GALNT13: variants seen among roughly 807,000 people sequenced by gnomAD.
The protein encoded by GALNT13 is polypeptide N-acetylgalactosaminyltransferase 13.
GALNT13 carries 28 observed loss-of-function variants against 64.2 expected under a neutral mutation model. The ratio of observed to expected loss-of-function variants is 0.44; its 90% CI spans 0.32 to 0.60. GALNT13 has a LOEUF of 0.60. Among genes scored for constraint, GALNT13 ranks in the 20% least tolerant of loss-of-function variants. GALNT13 has a pLI of 0.05. For missense variants in GALNT13, 577 were observed against 669.8 expected (o/e 0.86, Z 1.53); for synonymous variants, 214 against 224.6 (o/e 0.95, Z 0.42).
At chr2:153,071,840 G>A in the GALNT13 span, among the ~76,000 whole-genome samples, 3 of 152,008 alleles carry the variant, frequency 2.0e-5, no homozygotes, top group East Asian at 3.9e-4. Flanking sequence ...TATTTTTTAT[G>A]GGTTTTAAAA....
chr2:154,320,819 T>C (rs545474637), intron 9 of GALNT13, among the ~76,000 whole-genome samples: 1 of 152,204 alleles, frequency 6.6e-6, no homozygotes, highest in Non-Finnish European at 1.5e-5. Flanking sequence ...TCTTTCTCTG[T>C]ATAAACCTAA....
chr2:154,437,539 C>T (rs1701041102), intron 11 of GALNT13: 18 of 1,283,234 alleles, frequency 1.4e-5, no homozygotes, highest in Non-Finnish European at 1.6e-5. Context: ...AAGAAGAAAA[C>T]ACATTCTATA....
At chr2:154,170,466 T>C (rs1420135370) in intron 4 of GALNT13, among the ~76,000 whole-genome samples, 3 of 152,120 alleles carry the variant, frequency 2.0e-5, no homozygotes, top group Admixed American at 2.0e-4. Flanking sequence ...ACCATATATA[T>C]GATTGACTCA....
chr2:154,282,581 G>A (rs1203595762), intron 8 of GALNT13, among the ~76,000 whole-genome samples: 1 of 152,022 alleles, frequency 6.6e-6, no homozygotes, highest in East Asian at 1.9e-4. Flanking sequence ...GTTTTCTAAG[G>A]ACTCTCCAGA....
intron 8 of GALNT13, among the ~76,000 whole-genome samples, chr2:154,275,726 G>A (rs1691610678): frequency 6.6e-6 from 1 of 152,202 alleles, no homozygotes; most frequent in African/African-American, 2.4e-5. Flanking sequence ...GGATCTGTGA[G>A]AAGAGGGCCA....
At chr2:154,112,462 A>C (rs1033924811) in intron 3 of GALNT13, among the ~76,000 whole-genome samples, 1 of 152,138 alleles carries the variant, frequency 6.6e-6, no homozygotes, top group Non-Finnish European at 1.5e-5. Flanking sequence ...ATAGCATACA[A>C]ATATCTTAAC....
intron 10 of GALNT13, among the ~76,000 whole-genome samples, chr2:154,399,984 C>G (rs1360869265): frequency 6.6e-6 from 1 of 152,142 alleles, no homozygotes; most frequent in East Asian, 1.9e-4. Context: ...TAGTTTTCCA[C>G]TTTAAAACTA....
intron 3 of GALNT13, among the ~76,000 whole-genome samples, chr2:154,027,861 C>T (rs1698078776): frequency 1.3e-5 from 2 of 152,020 alleles, no homozygotes; most frequent in South Asian, 2.1e-4. Context: ...TGTAAAAAGA[C>T]AACAAATTAA....
chr2:154,425,509 T>A (rs1226396340), intron 11 of GALNT13, among the ~76,000 whole-genome samples: 3 of 152,192 alleles, frequency 2.0e-5, no homozygotes, highest in Admixed American at 2.0e-4. Context: ...TGTTGCCCAT[T>A]GCTAAAGAAG....
the GALNT13 span, among the ~76,000 whole-genome samples, chr2:153,126,143 A>T: frequency 1.3e-5 from 2 of 151,706 alleles, no homozygotes; most frequent in Non-Finnish European, 2.9e-5. Context: ...ATCTTTAATA[A>T]TTTTGTTCTC....
chr2:154,087,074 A>G (rs1455362114), intron 3 of GALNT13, among the ~76,000 whole-genome samples: 3 of 152,112 alleles, frequency 2.0e-5, no homozygotes, highest in Admixed American at 1.3e-4. Context: ...TGAATTGTTC[A>G]TATGTGCAGA....
At chr2:153,344,056 C>CT in the GALNT13 span, among the ~76,000 whole-genome samples, 2 of 151,528 alleles carry the variant, frequency 1.3e-5, no homozygotes, top group Admixed American at 6.6e-5. Flanking sequence ...ACTATAATTT[C>CT]TTTTTTTTTC....
the GALNT13 span, among the ~76,000 whole-genome samples, chr2:153,784,111 T>C: frequency 0.43 from 65,660 of 151,970 alleles, 15,540 homozygotes; most frequent in African/African-American, 0.62. Flanking sequence ...GGGAAAGTTT[T>C]GAACTTCTTA....
At chr2:153,188,915 C>T in the GALNT13 span, among the ~76,000 whole-genome samples, 419 of 152,198 alleles carry the variant, frequency 2.8e-3, 2 homozygotes, top group African/African-American at 9.8e-3. Context: ...ATGATCAAGT[C>T]AGGGTATTTA....
intron 3 of GALNT13, among the ~76,000 whole-genome samples, chr2:154,024,325 A>G (rs571365921): frequency 7.2e-5 from 11 of 152,300 alleles, no homozygotes; most frequent in African/African-American, 2.6e-4. Flanking sequence ...CGTCACTTTC[A>G]GGTACACCAA....
At chr2:153,365,399 A>T in the GALNT13 span, among the ~76,000 whole-genome samples, 1 of 152,238 alleles carries the variant, frequency 6.6e-6, no homozygotes, top group African/African-American at 2.4e-5. Context: ...ATGGGATCTA[A>T]TCAAACTAAA....
the GALNT13 span, among the ~76,000 whole-genome samples, chr2:153,682,295 G>T: frequency 6.6e-6 from 1 of 151,372 alleles, no homozygotes; most frequent in Non-Finnish European, 1.5e-5. Context: ...TGCTGATTTC[G>T]ATTACCCAGA....
the GALNT13 span, among the ~76,000 whole-genome samples, chr2:153,422,275 C>T: frequency 6.6e-6 from 1 of 151,970 alleles, no homozygotes; most frequent in African/African-American, 2.4e-5. Context: ...CCAGTTTACA[C>T]AGGCAGAAAA....
intron 4 of GALNT13, among the ~76,000 whole-genome samples, chr2:154,229,176 C>T (rs1268210061): frequency 3.9e-5 from 6 of 151,944 alleles, no homozygotes; most frequent in Non-Finnish European, 8.8e-5. Context: ...GTGTAAACAC[C>T]GGACACATCT....
Sources: gnomAD v4.1 joint callset for allele counts (sites outside exome capture counted in the v4.1 genomes callset) on GRCh38, gnomAD v4.1.1 for gene constraint, MANE v1.5 for transcripts, NCBI Gene and HGNC (gene_info 2026-07-23, HGNC 2026-07-21) for gene names.